The following MRTFB variants were observed in gnomAD, a reference collection of about 807,000 sequenced individuals.
The protein encoded by MRTFB is myocardin related transcription factor B.
Under a neutral mutation model 104.2 loss-of-function variants are expected in MRTFB, and 29 were observed. That is an observed-to-expected ratio of 0.28 (90% confidence interval 0.21 to 0.38). The LOEUF (loss-of-function observed/expected upper bound fraction) is 0.38. MRTFB is among the 10% of genes least tolerant of loss of function. MRTFB has a pLI of 1.00. For synonymous variants in MRTFB, 535 were observed against 519.5 expected (o/e 1.03, Z -0.41); for missense variants, 1,270 against 1,341.6 (o/e 0.95, Z 0.83).
intron 2 of MRTFB, among the ~76,000 whole-genome samples, chr16:14,102,062 A>T (rs1316527037): frequency 6.6e-6 from 1 of 152,080 alleles, no homozygotes; most frequent in African/African-American, 2.4e-5. Context: ...AGAAAAATAG[A>T]GGAGTTATTT....
At chr16:14,240,930 C>T (rs1470761279) in intron 10 of MRTFB, 2 of 608,006 alleles carry the variant, frequency 3.3e-6, no homozygotes, top group African/African-American at 3.7e-5. Flanking sequence ...TTTCCAGGCA[C>T]AGGGGAATGC....
At chr16:14,189,205 A>G (rs944068375) in intron 3 of MRTFB, among the ~76,000 whole-genome samples, 1 of 152,198 alleles carries the variant, frequency 6.6e-6, no homozygotes, top group Non-Finnish European at 1.5e-5. Flanking sequence ...AATTATAGAA[A>G]GGCACTTTTA....
intron 3 of MRTFB, chr16:14,141,268 G>A (rs1352559319): frequency 1.3e-5 from 2 of 152,434 alleles, no homozygotes; most frequent in African/African-American, 4.8e-5. Context: ...CCTCATCTTT[G>A]TCTACAAAAT....
At chr16:14,168,984 T>A (rs2039337741) in intron 3 of MRTFB, among the ~76,000 whole-genome samples, 1 of 152,226 alleles carries the variant, frequency 6.6e-6, no homozygotes, top group Non-Finnish European at 1.5e-5. Flanking sequence ...GCTTATGAGC[T>A]ATTTATGTGA....
chr16:14,224,590 A>G (rs892666719), intron 8 of MRTFB, among the ~76,000 whole-genome samples: 6 of 151,494 alleles, frequency 4.0e-5, no homozygotes, highest in African/African-American at 1.4e-4. Flanking sequence ...CAGCAAGAGA[A>G]AAGTGACTGG....
chr16:14,193,177 C>A (rs749565135), intron 3 of MRTFB, among the ~76,000 whole-genome samples: 1 of 124,714 alleles, frequency 8.0e-6, no homozygotes, highest in Non-Finnish European at 1.6e-5. Flanking sequence ...TGCGTCACTG[C>A]ACTCCAACCT....
intron 3 of MRTFB, among the ~76,000 whole-genome samples, chr16:14,184,281 G>A (rs2039870851): frequency 6.7e-6 from 1 of 149,592 alleles, no homozygotes; most frequent in South Asian, 2.1e-4. Context: ...GGAGTGCAGT[G>A]GCACAATCTC....
intron 1 of MRTFB, among the ~76,000 whole-genome samples, chr16:14,077,750 C>T (rs1352457146): frequency 6.6e-6 from 1 of 152,066 alleles, no homozygotes; most frequent in African/African-American, 2.4e-5. Context: ...CGCTTAGTGC[C>T]CTTGGTCCAC....
intron 9 of MRTFB, among the ~76,000 whole-genome samples, chr16:14,238,790 A>C (rs1343573649): frequency 6.6e-6 from 1 of 152,254 alleles, no homozygotes; most frequent in Non-Finnish European, 1.5e-5. Context: ...GCATGAGATG[A>C]GATTAACAAC....
chr16:14,226,513 C>G (rs2042009571), intron 8 of MRTFB, among the ~76,000 whole-genome samples: 1 of 152,144 alleles, frequency 6.6e-6, no homozygotes, highest in Non-Finnish European at 1.5e-5. Flanking sequence ...CTTTACCTAA[C>G]ATCGTAGGCA....
intron 2 of MRTFB, among the ~76,000 whole-genome samples, chr16:14,097,800 G>A (rs920767708): frequency 6.6e-6 from 1 of 152,154 alleles, no homozygotes; most frequent in Non-Finnish European, 1.5e-5. Flanking sequence ...TAGTTTGCTT[G>A]TTCGAGGGTT....
chr16:14,240,504 A>G lies in MRTFB; in HGVS notation c.1079+20A>G, dbSNP rs759162364. ...ATTCAAGTACGGCGGGGCCCATGCT[A>G]TCCTCAACGCGGGGTTTTCTGTGGT... On this transcript the variant is annotated intron_variant, in intron 10 of 16. Coordinates refer to ENST00000571589, the MANE Select transcript of MRTFB (RefSeq NM_001308142.2). The G allele has an allele frequency of 4.3e-6, 7 of 1,614,206 alleles. No homozygotes were observed. Among genetic ancestry groups the G allele is most frequent in the East Asian group, 2.2e-5 (1 of 44,886 alleles).
At chr16:14,189,545 C>T (rs922473749) in intron 3 of MRTFB, among the ~76,000 whole-genome samples, 9 of 151,892 alleles carry the variant, frequency 5.9e-5, no homozygotes, top group African/African-American at 1.9e-4. Flanking sequence ...ATTAATAATC[C>T]CTAATAGTTT....
rs2043783029 is a variant in MRTFB, at chr16:14,261,640, T to A, written c.*196T>A. On this transcript the variant is annotated 3_prime_UTR_variant, in exon 17 of 17. Coordinates refer to ENST00000571589, the MANE Select transcript of MRTFB (RefSeq NM_001308142.2). ...GTGTTCAGTAGTGAATTTCTACAGT[T>A]TAACATAGCACAGGGCCTTCTGAAA... 1 of 576,598 alleles carries A rather than the reference T, an allele frequency of 1.7e-6. No homozygotes were observed. Among genetic ancestry groups the A allele is most frequent in the African/African-American group, 1.9e-5 (1 of 53,732 alleles). 35.7% of individuals were successfully genotyped at this position (576,598 alleles called of 1,614,324 possible).
At chr16:14,135,525 G>C (rs997935212) in intron 2 of MRTFB, among the ~76,000 whole-genome samples, 1 of 152,112 alleles carries the variant, frequency 6.6e-6, no homozygotes, top group Non-Finnish European at 1.5e-5. Flanking sequence ...TACCATCTAG[G>C]GTTGTGTAAG....
chr16:14,040,947 C>T, the MRTFB span, among the ~76,000 whole-genome samples: 10 of 152,006 alleles, frequency 6.6e-5, no homozygotes, highest in Non-Finnish European at 1.2e-4. Flanking sequence ...GACCCCATCT[C>T]TACAAAAACT....
chr16:14,072,894 TCACA>T (rs1442789367), intron 1 of MRTFB, among the ~76,000 whole-genome samples: 1 of 152,206 alleles, frequency 6.6e-6, no homozygotes, highest in Non-Finnish European at 1.5e-5. Context: ...ATTTTTTGTG[TCACA>T]CACTCGAAGG....
Position 14,261,255 on chromosome 16 carries a change from G to A in MRTFB, c.3111G>A (p.Glu1037=). ...DHSHSPMETS[E]TQFAAGTPCL... is the part of the protein sequence containing the mutation. Reference sequence around the variant, plus strand: ...CACACTCACCCATGGAGACTTCCGAGACCCAGTTTGCTGCAGGTACTCCCT... The same window carrying A: ...CACACTCACCCATGGAGACTTCCGAAACCCAGTTTGCTGCAGGTACTCCCT... Residue 1037 remains glutamate, a synonymous_variant, in exon 17 of 17, where the codon GAG becomes GAA. Transcript: ENST00000571589. 5 of 1,614,152 alleles carry A rather than the reference G, an allele frequency of 3.1e-6. No homozygotes were observed. The highest frequency in any genetic ancestry group is 1.3e-5 in the African/African-American group (1 of 75,042).
At chr16:14,179,928 G>C (rs760524501) in intron 3 of MRTFB, among the ~76,000 whole-genome samples, 8 of 152,228 alleles carry the variant, frequency 5.3e-5, no homozygotes, top group Non-Finnish European at 1.2e-4. Context: ...TCAAGTGCAT[G>C]ATTAGTGGAC....
Sources: gnomAD v4.1 joint callset for allele counts (sites outside exome capture counted in the v4.1 genomes callset) on GRCh38, gnomAD v4.1.1 for gene constraint, MANE v1.5 for transcripts, NCBI Gene and HGNC (gene_info 2026-07-23, HGNC 2026-07-21) for gene names.